Variants in GABPB1 observed in about 807,000 individuals in gnomAD.
GABPB1 encodes the protein GA binding protein transcription factor subunit beta 1, also known as GA-binding protein subunit beta-1.
A neutral mutation model predicts 45.9 loss-of-function variants in GABPB1; 15 were observed. The ratio of observed to expected loss-of-function variants is 0.33; its 90% confidence interval spans 0.22 to 0.50. The LOEUF is 0.50. Ranked by LOEUF, GABPB1 falls within the 20% of genes least tolerant of loss-of-function variation. GABPB1 has a pLI of 0.98. For missense variants in GABPB1, 252 were observed against 457.5 expected (o/e 0.55, Z 4.10); for synonymous variants, 143 against 154.4 (o/e 0.93, Z 0.55).
intron 8 of GABPB1, among the ~76,000 whole-genome samples, chr15:50,281,506 C>G (rs938572107): frequency 6.6e-6 from 1 of 152,184 alleles, no homozygotes; most frequent in South Asian, 2.1e-4. Context: ...CCACTGCGCC[C>G]GGCCTAAATG....
At chr15:50,328,452 T>C (rs1192317960) in intron 1 of GABPB1, among the ~76,000 whole-genome samples, 1 of 152,232 alleles carries the variant, frequency 6.6e-6, no homozygotes, top group Non-Finnish European at 1.5e-5. Context: ...ATGTAATTTC[T>C]TGATCTTCCA....
intron 1 of GABPB1, chr15:50,349,831 T>G (rs1012155628): frequency 6.6e-6 from 1 of 152,174 alleles, no homozygotes; most frequent in Non-Finnish European, 1.5e-5. Flanking sequence ...TACAACATGA[T>G]AGATAATTTA....
At chr15:50,319,286 T>G (rs963142492) in intron 1 of GABPB1, among the ~76,000 whole-genome samples, 1 of 152,162 alleles carries the variant, frequency 6.6e-6, no homozygotes, top group African/African-American at 2.4e-5. Context: ...TAAAAAAAGT[T>G]TTTATTTTTA....
chr15:50,328,535 G>C (rs939067815), intron 1 of GABPB1, among the ~76,000 whole-genome samples: 5 of 152,118 alleles, frequency 3.3e-5, no homozygotes, highest in African/African-American at 1.2e-4. Context: ...AATGTCAATA[G>C]CAACATGCTT....
At chr15:50,309,266 T>C (rs1190261468) in intron 2 of GABPB1, among the ~76,000 whole-genome samples, 1 of 152,210 alleles carries the variant, frequency 6.6e-6, no homozygotes. Flanking sequence ...TCTTTCGTCA[T>C]GTCTGCAACA....
At chr15:50,295,367 G>A (rs2046475859) in intron 6 of GABPB1, among the ~76,000 whole-genome samples, 1 of 152,128 alleles carries the variant, frequency 6.6e-6, no homozygotes, top group African/African-American at 2.4e-5. Context: ...CCCCTAAAAA[G>A]TCAAGCTCTT....
At chr15:50,303,741 C>T (rs2046842167) in intron 3 of GABPB1, among the ~76,000 whole-genome samples, 1 of 151,208 alleles carries the variant, frequency 6.6e-6, no homozygotes, top group South Asian at 2.1e-4. Flanking sequence ...AGACCAAGGT[C>T]CAAGAAATCA....
In GABPB1 at chr15:50,299,115, CAG is replaced by C. The variant is rs149552109; in HGVS notation, c.697+1672_697+1673del. ...GTAAAATATTTATCACAGTGCCTAG[CAG>C]AGAGAGTAAGCATTTGATGAAATGT... On this transcript the variant is annotated intron_variant, in intron 6 of 8. Coordinates refer to ENST00000380877, the MANE Select transcript of GABPB1 (RefSeq NM_016654.5). Among the ~76,000 whole-genome samples, 86 of 152,118 alleles carry C rather than the reference CAG, an allele frequency of 5.7e-4. 1 individual carries two copies. The East Asian group carries it at 0.016, about 29-fold the overall frequency.
chr15:50,315,891 A>G (rs899568525), intron 1 of GABPB1, among the ~76,000 whole-genome samples: 2 of 152,188 alleles, frequency 1.3e-5, no homozygotes, highest in African/African-American at 2.4e-5. Context: ...CCTAGCCAAC[A>G]TGGTGAAACC....
intron 6 of GABPB1, among the ~76,000 whole-genome samples, chr15:50,291,831 T>C (rs2046351362): frequency 6.7e-6 from 1 of 149,180 alleles, no homozygotes; most frequent in African/African-American, 2.5e-5. Flanking sequence ...GGTGGGAAGA[T>C]CCCTTGAGCC....
intron 1 of GABPB1, among the ~76,000 whole-genome samples, chr15:50,339,332 CAAAT>C (rs1164707637): frequency 6.6e-6 from 1 of 151,462 alleles, no homozygotes; most frequent in African/African-American, 2.4e-5. Flanking sequence ...AACAAAAAAA[CAAAT>C]AAATAACCAG....
At chr15:50,289,704 G>C (rs1329834339) in intron 6 of GABPB1, 36 bp from the exon 7 acceptor site, 1 of 1,513,716 alleles carries the variant, frequency 6.6e-7, no homozygotes, top group African/African-American at 1.4e-5. Flanking sequence ...GCAAACATAT[G>C]TAACGGTATG....
intron 2 of GABPB1, among the ~76,000 whole-genome samples, chr15:50,308,604 C>T (rs2047023729): frequency 6.6e-6 from 1 of 152,154 alleles, no homozygotes; most frequent in East Asian, 1.9e-4. Flanking sequence ...TGAACACTCT[C>T]AGGTCTTTAG....
chr15:50,288,842 C>G (rs1280216167), intron 7 of GABPB1, among the ~76,000 whole-genome samples: 1 of 149,200 alleles, frequency 6.7e-6, no homozygotes, highest in African/African-American at 2.5e-5. Flanking sequence ...TTTTCTTTTT[C>G]TGAGAAAGAG....
rs576951713 is a variant in GABPB1 at position 50,282,074 on chromosome 15, G to A, written c.1000-3290C>T. ...TTGGCTGGGCATGGTGGTGTAGCCT[G>A]TAGTCCCAGCTACTCAAGAGGCTGT... On this transcript the variant is annotated intron_variant, in intron 8 of 8. Transcript: ENST00000380877. 5.9e-5 allele frequency among the ~76,000 whole-genome samples: 9 copies of A among 152,274 alleles called. No homozygotes were observed. The South Asian group carries it at 1.0e-3, about 18-fold the overall frequency.
intron 6 of GABPB1, among the ~76,000 whole-genome samples, chr15:50,294,989 A>C (rs941062178): frequency 6.6e-6 from 1 of 152,210 alleles, no homozygotes. Flanking sequence ...AAGCTAAGCA[A>C]AGGAAAGTTG....
intron 2 of GABPB1, among the ~76,000 whole-genome samples, chr15:50,306,879 T>A (rs2046968391): frequency 6.6e-6 from 1 of 152,080 alleles, no homozygotes; most frequent in Non-Finnish European, 1.5e-5. Context: ...ACCATGTTAA[T>A]AACTGTAAGT....
At chr15:50,296,318 A>G (rs6493425) in intron 6 of GABPB1, among the ~76,000 whole-genome samples, 97,291 of 152,064 alleles carry the variant, frequency 0.64, 32,466 homozygotes, top group African/African-American at 0.82. Flanking sequence ...AAAAGGTCAA[A>G]AAAGTAGCAG....
chr15:50,293,453 T>G (rs2046415558), intron 6 of GABPB1, among the ~76,000 whole-genome samples: 1 of 152,204 alleles, frequency 6.6e-6, no homozygotes, highest in Non-Finnish European at 1.5e-5. Flanking sequence ...TTGTTTACCT[T>G]AAACTATAAT....
Sources: gnomAD v4.1 joint callset for allele counts (sites outside exome capture counted in the v4.1 genomes callset) on GRCh38, gnomAD v4.1.1 for gene constraint, MANE v1.5 for transcripts, NCBI Gene and HGNC (gene_info 2026-07-23, HGNC 2026-07-21) for gene names.